The following KNTC1 variants were observed in gnomAD, a reference collection of about 807,000 sequenced individuals.
KNTC1 encodes the protein kinetochore associated 1.
Under a neutral mutation model 314.4 loss-of-function variants are expected in KNTC1, and 253 were observed. The observed-to-expected ratio is 0.80, with a 90% CI of 0.73 to 0.89. The LOEUF is 0.89. Ranked by LOEUF, KNTC1 falls within the 40% of genes least tolerant of loss-of-function variation. KNTC1 has a pLI of 0.00. For missense variants in KNTC1, 2,475 were observed against 2,572.9 expected, an observed-to-expected ratio of 0.96 and a Z score of 0.82; for synonymous variants, 901 against 901.4, an observed-to-expected ratio of 1.00 and a Z score of 0.01.
At chr12:122,549,620 C>T in intron 12 of KNTC1, 146 bp from the exon 13 acceptor site, 1 of 563,540 alleles carries the variant, frequency 1.8e-6, no homozygotes. Context: ...CCTGCCTCAG[C>T]CTCCCAAAGT....
chr12:122,542,968 A>G (rs7972727), intron 6 of KNTC1, among the ~76,000 whole-genome samples: 5,413 of 152,096 alleles, frequency 0.036, 347 homozygotes, highest in African/African-American at 0.12. Flanking sequence ...GCTGGAGTAC[A>G]GTGGTATGAT....
intron 18 of KNTC1, among the ~76,000 whole-genome samples, chr12:122,559,545 T>C (rs1247041301): frequency 6.7e-6 from 1 of 150,290 alleles, no homozygotes; most frequent in Non-Finnish European, 1.5e-5. Context: ...ATACATAACA[T>C]GAAATTTACC....
chr12:122,535,570 G>C (rs1961731581), intron 3 of KNTC1, among the ~76,000 whole-genome samples: 1 of 152,076 alleles, frequency 6.6e-6, no homozygotes, highest in Non-Finnish European at 1.5e-5. Context: ...TTGAACCTGG[G>C]AGGTGGAGGT....
chr12:122,622,553 C>A lies in KNTC1; in HGVS notation c.6461C>A (p.Ala2154Glu). The change falls in exon 62 of 64, where the codon GCG (alanine) becomes GAG (glutamate). Residue 2154 changes from alanine (A) to glutamate (E), a missense_variant. Transcript: ENST00000333479. ...TKYFQMLKMH[A>E]MNTNNITELV... is the part of the protein sequence containing the mutation. ...TACTTTCAAATGTTGAAGATGCATGCGATGAATACCAACAATATCACTGAG... is the reference window on the plus strand; with the variant it reads ...TACTTTCAAATGTTGAAGATGCATGAGATGAATACCAACAATATCACTGAG... 6.4e-7 allele frequency: 1 copy of A among 1,571,026 alleles called. No homozygotes were observed. Among genetic ancestry groups the A allele is most frequent in the South Asian group, 1.2e-5 (1 of 85,646 alleles).
intron 49 of KNTC1, 67 bp from the exon 50 acceptor site, chr12:122,604,810 A>T (rs1383833876): frequency 6.9e-7 from 1 of 1,459,088 alleles, no homozygotes; most frequent in East Asian, 2.4e-5. Context: ...ATTGATAAAG[A>T]TGGATGCTTG....
In KNTC1 at chr12:122,575,824, C is replaced by G. The variant is rs1342873730; in HGVS notation, c.2511C>G (p.Tyr837Ter). ...GAGTCAAGTTATTACAGGAAAGTTA[C>G]AAACTAATGGAGATGAAAAAACTTT... Reference protein sequence around the residue: ...HPKVKLLQESYKLMEMKKLLR... With the variant: ...HPKVKLLQES Residue 837 changes from tyrosine (Y) to a stop codon, truncating the protein, a stop_gained, in exon 29 of 64, where the codon TAC (tyrosine) becomes TAG (stop). Coordinates refer to ENST00000333479, the MANE Select transcript of KNTC1 (RefSeq NM_014708.6). LOFTEE classifies it high-confidence loss of function. The G allele has an allele frequency of 6.2e-7, 1 of 1,612,712 alleles. No homozygotes were observed. Among genetic ancestry groups the G allele is most frequent in the Non-Finnish European group, 8.5e-7 (1 of 1,179,566 alleles).
chr12:122,603,242 A>G lies in KNTC1; in HGVS notation c.5100A>G (p.Glu1700=). The change falls in exon 48 of 64, where the codon GAA becomes GAG. Residue 1700 remains glutamate, a splice_region_variant and synonymous_variant. Transcript: ENST00000333479. ...TCAGCCTTGCCCAGGATATCCCTGA[A>G]GGTATGAGCTCTTCTTTTAAAATTG... ...IAISLAQDIP[E]GSFKISALKF... 1 of 1,566,400 alleles carries G rather than the reference A, an allele frequency of 6.4e-7. No homozygotes were observed.
intron 53 of KNTC1, among the ~76,000 whole-genome samples, chr12:122,612,632 C>A (rs1305172217): frequency 1.3e-5 from 2 of 151,768 alleles, no homozygotes; most frequent in Non-Finnish European, 2.9e-5. Flanking sequence ...GTTGGTCAGG[C>A]TGGTCTTGAA....
chr12:122,554,018 C>T (rs1374425035), intron 16 of KNTC1, among the ~76,000 whole-genome samples: 1 of 144,884 alleles, frequency 6.9e-6, no homozygotes, highest in African/African-American at 2.6e-5. Context: ...GCTACTCGTG[C>T]TTGTTTTAAA....
rs766782265 is a variant in KNTC1 at position 122,542,114 on chromosome 12, A to C, written c.510A>C (p.Leu170Phe). 11 of 1,509,770 alleles carry C rather than the reference A, an allele frequency of 7.3e-6. No homozygotes were observed. Among genetic ancestry groups the C allele is most frequent in the Middle Eastern group, 1.7e-4 (1 of 5,778 alleles). 93.5% of individuals were successfully genotyped at this position (1,509,770 alleles called of 1,614,324 possible). A position where few individuals can be genotyped will look rare whatever the true frequency, so the allele number is the denominator to read the frequency against. Residue 170 changes from leucine to phenylalanine, a missense_variant, in exon 6 of 64, where the codon TTA becomes TTC. By Grantham distance (22) the Leu-to-Phe change is conservative. Coordinates refer to ENST00000333479, the MANE Select transcript of KNTC1 (RefSeq NM_014708.6). ...GFFCITNLQL[L>F]KIQQAIENVD... ...TTTGTATTACAAACCTTCAGCTTTT[A>C]AAAATTCAACAAGGTAAGTAATACA...
At chr12:122,531,197 G>T (rs1593467194) in intron 2 of KNTC1, among the ~76,000 whole-genome samples, 2 of 151,986 alleles carry the variant, frequency 1.3e-5, no homozygotes. Context: ...ATTTTAAAAA[G>T]AAATCATTCT....
intron 61 of KNTC1, 145 bp from the exon 62 acceptor site, chr12:122,622,317 A>C: frequency 1.4e-6 from 1 of 705,244 alleles, no homozygotes; most frequent in Non-Finnish European, 2.4e-6. Context: ...AAGGAGGCGC[A>C]GTCACAATGC....
In KNTC1 at chr12:122,544,245, A is replaced by G; in HGVS notation, c.645A>G (p.Ala215=). ...TCAGTCTTGTGGCTGGAGATTTAGC[A>G]AGTGAAGTTCCTGTGATAATTGGGG... ...GCLSLVAGDL[A]SEVPVIIGGT... Residue 215 remains alanine (A), a synonymous_variant, in exon 8 of 64, where the codon GCA becomes GCG. Coordinates refer to ENST00000333479, the MANE Select transcript of KNTC1 (RefSeq NM_014708.6). 1 of 1,574,920 alleles carries G rather than the reference A, an allele frequency of 6.3e-7. No homozygotes were observed. The highest frequency in any genetic ancestry group is 8.6e-7 in the Non-Finnish European group (1 of 1,160,638).
rs2138067164 is a variant in KNTC1, at chr12:122,594,396, A to C, written c.4355+11A>C. The C allele has an allele frequency of 7.2e-7, 1 of 1,395,392 alleles. No individual in the cohort carries two copies. Among genetic ancestry groups the C allele is most frequent in the East Asian group, 2.3e-5 (1 of 43,866 alleles). 86.4% of individuals were successfully genotyped at this position (1,395,392 alleles called of 1,614,324 possible). ...TTTGGAATATTGCAGGTAATTCTTT[A>C]AACATTAACGGTATTTTTGCTGTTA... On this transcript the variant is annotated intron_variant, in intron 43 of 63. Transcript: ENST00000333479.
chr12:122,569,721 G>A lies in KNTC1; in HGVS notation c.1757G>A (p.Ser586Asn), dbSNP rs1353677041. The A allele has an allele frequency of 7.4e-6, 12 of 1,613,634 alleles. No individual in the cohort carries two copies. The highest frequency in any genetic ancestry group is 1.0e-5 in the Non-Finnish European group (12 of 1,179,686). ...ESRFDVKMLESLLNSMSASVS... is the reference protein window; with the variant it reads ...ESRFDVKMLENLLNSMSASVS... ...AGATTTGATGTGAAAATGCTGGAGA[G>A]CTTGCTCAACTCAATGTCTGCATCA... Residue 586 changes from serine to asparagine, a missense_variant, in exon 22 of 64, where the codon AGC becomes AAC. Coordinates refer to ENST00000333479, the MANE Select transcript of KNTC1 (RefSeq NM_014708.6).
Position 122,574,354 on chromosome 12 carries a change from G to A in KNTC1, c.2356G>A (p.Val786Ile). Residue 786 changes from valine (V) to isoleucine (I), a missense_variant, in exon 27 of 64, where the codon GTA becomes ATA. Coordinates refer to ENST00000333479, the MANE Select transcript of KNTC1 (RefSeq NM_014708.6). ...ETAWEAKAMA[V>I]IACLSDTDLI... ...AGCATGGGAAGCAAAGGCCATGGCA[G>A]TAATAGCGTGTTTATCTGACACGGA... 3 of 1,607,646 alleles carry A rather than the reference G, an allele frequency of 1.9e-6. No individual in the cohort carries two copies. The highest frequency in any genetic ancestry group is 2.6e-6 in the Non-Finnish European group (3 of 1,175,542).
chr12:122,536,130 C>G (rs937127361), intron 3 of KNTC1, among the ~76,000 whole-genome samples: 6 of 151,236 alleles, frequency 4.0e-5, no homozygotes, highest in Non-Finnish European at 8.8e-5. Context: ...GTCTCGATCT[C>G]CTGACCTTGT....
chr12:122,585,694 G>T lies in KNTC1; in HGVS notation c.3593G>T (p.Ser1198Ile), dbSNP rs372569999. ...YEEWSYSDFF[S>I]EDGIVLESQM... ...GAGTGGTCTTACAGTGACTTCTTCA[G>T]TGAAGATGGAATTGTTCTTGAGTCA... Residue 1198 changes from serine (S) to isoleucine (I), a missense_variant, in exon 37 of 64, where the codon AGT becomes ATT. By Grantham distance (142) the Ser-to-Ile change is moderately radical. Coordinates refer to ENST00000333479, the MANE Select transcript of KNTC1 (RefSeq NM_014708.6). 26 of 1,613,356 alleles carry T rather than the reference G, an allele frequency of 1.6e-5. No homozygotes were observed. The highest frequency in any genetic ancestry group is 2.1e-5 in the Non-Finnish European group (25 of 1,179,436).
In KNTC1 at chr12:122,609,366, T is replaced by C. The variant is rs1166884249; in HGVS notation, c.5497-18T>C. The C allele has an allele frequency of 3.2e-6, 5 of 1,541,166 alleles. No homozygotes were observed. Among genetic ancestry groups the C allele is most frequent in the Admixed American group, 2.0e-5 (1 of 51,150 alleles). Reference sequence around the variant, plus strand: ...AAACTTTTTCAGTTTTTGACCTTTTTTTCCTACCTTTTCAAAGAAACCATC... The same window carrying C: ...AAACTTTTTCAGTTTTTGACCTTTTCTTCCTACCTTTTCAAAGAAACCATC... On this transcript the variant is annotated intron_variant, in intron 51 of 63. Transcript: ENST00000333479.
Sources: gnomAD v4.1 joint callset for allele counts (sites outside exome capture counted in the v4.1 genomes callset) on GRCh38, gnomAD v4.1.1 for gene constraint, MANE v1.5 for transcripts, NCBI Gene and HGNC (gene_info 2026-07-23, HGNC 2026-07-21) for gene names.